The following HOOK2 variants were observed in gnomAD, a reference collection of about 807,000 sequenced individuals.
HOOK2 encodes the protein protein Hook homolog 2.
In HOOK2, 108 loss-of-function variants were observed where a neutral mutation model predicts 111.9. The ratio of observed to expected loss-of-function variants is 0.96; its 90% confidence interval spans 0.83 to 1.13. The LOEUF is 1.13. Among genes scored for constraint, HOOK2 ranks in the 50% most tolerant of loss-of-function variants. The pLI, the probability that HOOK2 is intolerant of heterozygous loss-of-function variation, is 0.00. For synonymous variants in HOOK2, 405 were observed against 394.3 expected (o/e 1.03, Z -0.32); for missense variants, 978 against 951.3 (o/e 1.03, Z -0.37).
At chr19:12,775,843 C>T (rs1329867958), upstream of HOOK2, among the ~76,000 whole-genome samples, 1 of 149,462 alleles carries the variant, frequency 6.7e-6, no homozygotes, top group East Asian at 1.9e-4. Context: ...CAAGCGCATT[C>T]ACGTCTTTTC....
chr19:12,789,724 C>A (rs1968687638), intron 3 of HOOK2, among the ~76,000 whole-genome samples: 1 of 150,764 alleles, frequency 6.6e-6, no homozygotes, highest in Non-Finnish European at 1.5e-5. Flanking sequence ...GGGGACCTGC[C>A]GGGCTGGGTT....
rs996473694 is a variant in HOOK2, at chr19:12,786,001, T to A, written n.42-11776A>T. Among the ~76,000 whole-genome samples, 1 of 152,128 alleles carries A rather than the reference T, an allele frequency of 6.6e-6. No individual in the cohort carries two copies. The highest frequency in any genetic ancestry group is 2.4e-5 in the African/African-American group (1 of 41,426). ...AAGGCTTCACCAGCAGTGGCAGGGA[T>A]GGAAGCAGCTTCCTGAGAAACTCCC... is the stretch of plus-strand genomic sequence containing the variant. On this transcript the variant is annotated intron_variant and non_coding_transcript_variant, in intron 3 of 3. Transcript: ENST00000589765. This position sits in a 1 kb window ranked among gnomAD's most constrained non-coding sequence, Gnocchi z 4.3.
upstream of HOOK2, among the ~76,000 whole-genome samples, chr19:12,782,759 C>T (rs927737394): frequency 6.6e-6 from 1 of 152,196 alleles, no homozygotes; most frequent in African/African-American, 2.4e-5. Flanking sequence ...CGGGAGGGGG[C>T]CTCCGTTAAC....
intron 3 of HOOK2, chr19:12,773,259 T>G: frequency 3.7e-6 from 2 of 536,514 alleles, no homozygotes; most frequent in Non-Finnish European, 3.3e-6. Flanking sequence ...TTTTTTGCTT[T>G]AGCTTTTTAA....
At chr19:12,765,345 T>C in intron 18 of HOOK2, 1 of 593,362 alleles carries the variant, frequency 1.7e-6, no homozygotes, top group Non-Finnish European at 3.0e-6. Context: ...GCTCCCAAGC[T>C]GGTTCAGCCA....
intron 3 of HOOK2, chr19:12,784,870 A>G (rs530060894): frequency 6.6e-6 from 1 of 152,492 alleles, no homozygotes; most frequent in African/African-American, 2.4e-5. Flanking sequence ...TGTTCACAGT[A>G]TGGCAGAGAG....
In HOOK2 at chr19:12,763,413, G is replaced by T. The variant is rs762775836; in HGVS notation, c.2029C>A (p.Arg677=). Reference sequence around the variant, plus strand: ...GCAGGCGCCCGCTCCTCCCCAGCTCGCTGCTGCAAGGCCATGCCCTTCAGG... The same window carrying T: ...GCAGGCGCCCGCTCCTCCCCAGCTCTCTGCTGCAAGGCCATGCCCTTCAGG... ...WYNMGMALQQ[R]AGEERAPAHA... The change falls in exon 23 of 23, where the codon CGA becomes AGA. Residue 677 remains arginine, a synonymous_variant. Transcript: ENST00000397668. 6.2e-7 allele frequency: 1 copy of T among 1,613,916 alleles called. No individual in the cohort carries two copies. The highest frequency in any genetic ancestry group is 8.5e-7 in the Non-Finnish European group (1 of 1,179,938).
In HOOK2 at chr19:12,772,188, A is replaced by G; in HGVS notation, c.519+2T>C. ...GGAACACCTTTCCCCCAAATCTCTT[A>G]CCTGGCTGTCAAAGTTGCCATACGT... On this transcript the variant is annotated splice_donor_variant, in intron 7 of 22. Transcript: ENST00000397668. LOFTEE classifies it high-confidence loss of function. 1 of 1,609,352 alleles carries G rather than the reference A, an allele frequency of 6.2e-7. No homozygotes were observed. Among genetic ancestry groups the G allele is most frequent in the Non-Finnish European group, 8.5e-7 (1 of 1,175,688 alleles).
Position 12,769,957 on chromosome 19 carries a change from T to TCGGCGTGGC in HOOK2, c.1019_1027dup (p.Gly340_Ala342dup), listed in dbSNP as rs930984173. ...CTCATCCTCCAGTTGTCGCGTGCGCTCGGCGTGGCCGGCGTTGCGTTCCTC... is the reference window on the plus strand; with the variant it reads ...CTCATCCTCCAGTTGTCGCGTGCGCTCGGCGTGGCCGGCGTGGCCGGCGTTGCGTTCCTC... On this transcript the variant is annotated inframe_insertion, in exon 11 of 23. Coordinates refer to ENST00000397668, the MANE Select transcript of HOOK2 (RefSeq NM_013312.3). 2.6e-6 allele frequency: 4 copies of TCGGCGTGGC among 1,555,852 alleles called. No individual in the cohort carries two copies. The Admixed American group carries it at 5.6e-5, about 22-fold the overall frequency.
chr19:12,771,896 AAAAG>A, intron 7 of HOOK2: 4 of 396,100 alleles, frequency 1.0e-5, no homozygotes, highest in Non-Finnish European at 9.1e-6. Flanking sequence ...AAAAAAAAAA[AAAAG>A]AAAAAGAAAA....
At chr19:12,792,126 G>A in intron 3 of HOOK2, 1 of 1,599,204 alleles carries the variant, frequency 6.3e-7, no homozygotes, top group Non-Finnish European at 8.5e-7. Context: ...TGGCAGCGGT[G>A]GAGGTGCAGG....
chr19:12,771,410 T>C lies in HOOK2; in HGVS notation c.587A>G (p.Asp196Gly), dbSNP rs200086187. Residue 196 changes from aspartate to glycine, a missense_variant, in exon 8 of 23, where the codon GAT (aspartate) becomes GGT (glycine). Transcript: ENST00000397668. ...EGDELQQRCL[D>G]LERQLMLLSE... ...CTAGGGCCCTACCTGCCGCTCCAGA[T>C]CCAGACAGCGCTGCTGTAATTCGTC... 8.8e-4 allele frequency: 1,419 copies of C among 1,613,586 alleles called. 3 individuals carry two copies. Among genetic ancestry groups the C allele is most frequent in the Non-Finnish European group, 1.0e-3 (1,232 of 1,179,812 alleles).
At chr19:12,783,465 T>TC (rs1968627532) in intron 3 of HOOK2, among the ~76,000 whole-genome samples, 1 of 150,344 alleles carries the variant, frequency 6.7e-6, no homozygotes, top group Non-Finnish European at 1.5e-5. Flanking sequence ...ATTCATTTCA[T>TC]CCAGGGGCCC....
chr19:12,765,110 C>T, intron 18 of HOOK2, 29 bp from the exon 19 acceptor site: 1 of 1,611,084 alleles, frequency 6.2e-7, no homozygotes, highest in Non-Finnish European at 8.5e-7. Flanking sequence ...CAGCAGTGGG[C>T]TGACCTCCGG....
chr19:12,778,065 G>A (rs1307722882), upstream of HOOK2, among the ~76,000 whole-genome samples: 1 of 152,152 alleles, frequency 6.6e-6, no homozygotes, highest in African/African-American at 2.4e-5. Context: ...GTGACCCCAG[G>A]GTCCCTCTGC....
chr19:12,770,581 T>TCTA (rs1209951282), intron 10 of HOOK2, among the ~76,000 whole-genome samples: 2 of 151,108 alleles, frequency 1.3e-5, no homozygotes, highest in Admixed American at 1.3e-4. Context: ...GAAGGTACCA[T>TCTA]GGGATCCAGG....
At position 12,771,458 on chromosome 19, in the gene HOOK2, A is replaced by T. The variant is rs1968325882; in HGVS notation, c.539T>A (p.Leu180Gln). The change falls in exon 8 of 23, where the codon CTA (leucine) becomes CAA (glutamine). Residue 180 changes from leucine (L) to glutamine (Q), a missense_variant. Around this residue, in one of 5 missense-constraint regions of HOOK2, gnomAD observed 301 missense variants for 286.1 expected, o/e 1.05. Transcript: ENST00000397668. The stretch of plus-strand genomic sequence containing the variant: ...GTCCCCCTCCTCAGCCTCCTCACTT[A>T]GGAAATAGTACCTGCGGGACTGCAG... ...FDSQSRRYYF[L>Q]SEEAEEGDEL... The T allele has an allele frequency of 6.2e-7, 1 of 1,613,052 alleles. No homozygotes were observed.
At chr19:12,778,047 C>A (rs1421833850), upstream of HOOK2, among the ~76,000 whole-genome samples, 1 of 152,210 alleles carries the variant, frequency 6.6e-6, no homozygotes, top group Admixed American at 6.5e-5. Flanking sequence ...AGCCCAGGCT[C>A]GCGCCCTGTG....
upstream of HOOK2, among the ~76,000 whole-genome samples, chr19:12,780,846 C>T (rs1384245121): frequency 1.5e-5 from 2 of 137,478 alleles, no homozygotes; most frequent in East Asian, 2.3e-4. Context: ...GGCGTAGTGG[C>T]GGGCGCCTGT....
Sources: allele counts gnomAD v4.1 joint callset (sites outside exome capture counted in the v4.1 genomes callset), GRCh38; gene constraint gnomAD v4.1.1; regional missense constraint gnomAD v4.1.1; non-coding constraint Gnocchi (gnomAD v3.1); transcripts MANE v1.5; gene names NCBI Gene and HGNC (gene_info 2026-07-23, HGNC 2026-07-21).